The following ERC1 variants were observed in gnomAD, a reference collection of about 807,000 sequenced individuals.
The protein encoded by ERC1 is RAB6 interacting protein 2.
A neutral mutation model predicts 132.0 loss-of-function variants in ERC1; 56 were observed. The observed-to-expected ratio is 0.42, with a 90% CI of 0.34 to 0.53. The LOEUF is 0.53. Ranked by LOEUF, ERC1 falls within the 20% of genes least tolerant of loss-of-function variation. The probability of loss-of-function intolerance (pLI) is 0.03; values close to 1 mark genes in which losing one functional copy is unlikely to be tolerated. For synonymous variants in ERC1, 478 were observed against 476.1 expected (o/e 1.00, Z -0.05); for missense variants, 1,202 against 1,349.9 (o/e 0.89, Z 1.72).
chr12:1,049,747 C>CTTTTTTTTTTTTTTTTTTTTTTTTTT (rs35361881), intron 2 of ERC1, among the ~76,000 whole-genome samples: 1 of 113,016 alleles, frequency 8.8e-6, no homozygotes, highest in Non-Finnish European at 1.8e-5. Flanking sequence ...GTTTTGTGAT[C>CTTTTTTTTTTTTTTTTTTTTTTTTTT]TTTTTTTTTT....
At chr12:1,223,334 TAAC>T (rs1264201916) in intron 12 of ERC1, among the ~76,000 whole-genome samples, 5 of 152,208 alleles carry the variant, frequency 3.3e-5, no homozygotes, top group Non-Finnish European at 7.3e-5. Flanking sequence ...AGAGCAGCAA[TAAC>T]AAAGTAAATA....
intron 13 of ERC1, among the ~76,000 whole-genome samples, chr12:1,250,391 T>C (rs1366294716): frequency 6.6e-6 from 1 of 152,226 alleles, no homozygotes; most frequent in Non-Finnish European, 1.5e-5. Flanking sequence ...TACATTGTTT[T>C]ATAATTGCCC....
Position 1,154,259 on chromosome 12 carries a change from G to GTATA in ERC1, c.1737+12473_1737+12474insATAT, listed in dbSNP as rs770106648. Among the ~76,000 whole-genome samples, 447 of 137,122 alleles carry GTATA rather than the reference G, an allele frequency of 3.3e-3. 3 individuals carry two copies. Among genetic ancestry groups the GTATA allele is most frequent in the Non-Finnish European group, 5.0e-3 (321 of 63,580 alleles). The allele number at this position is 137,122 out of a possible 152,430, so 90.0% of individuals were successfully genotyped here. ...TGTATATGTATATGTATATGTATAT[G>GTATA]TGTATATATACACATATACATGTAT... is the stretch of plus-strand genomic sequence containing the variant. On this transcript the variant is annotated intron_variant, in intron 8 of 18. Transcript: ENST00000360905.
chr12:1,029,309 G>A (rs532612663), intron 2 of ERC1, among the ~76,000 whole-genome samples: 14 of 152,114 alleles, frequency 9.2e-5, no homozygotes, highest in South Asian at 2.1e-4. Flanking sequence ...CTGAGATCCC[G>A]CCACTGCACT....
intron 2 of ERC1, among the ~76,000 whole-genome samples, chr12:1,062,841 A>G (rs1345201074): frequency 2.0e-5 from 3 of 152,164 alleles, no homozygotes; most frequent in Non-Finnish European, 4.4e-5. Context: ...ATTGGGATCT[A>G]TGTCTCTAGC....
At chr12:1,072,715 CAG>C (rs1403033643) in intron 2 of ERC1, among the ~76,000 whole-genome samples, 5 of 152,128 alleles carry the variant, frequency 3.3e-5, no homozygotes, top group Admixed American at 6.5e-5. Flanking sequence ...ATTTTTGAGA[CAG>C]AGTCTCGCAC....
intron 13 of ERC1, among the ~76,000 whole-genome samples, chr12:1,249,648 T>C (rs1254529934): frequency 6.6e-6 from 1 of 152,228 alleles, no homozygotes; most frequent in Non-Finnish European, 1.5e-5. Context: ...TCTATAGATG[T>C]CAAGAACGTT....
At chr12:1,077,755 G>C (rs1941577991) in intron 2 of ERC1, among the ~76,000 whole-genome samples, 1 of 152,140 alleles carries the variant, frequency 6.6e-6, no homozygotes, top group Non-Finnish European at 1.5e-5. Context: ...GATCATTATA[G>C]ATGTCTGTGA....
chr12:1,390,413 T>G (rs148647321), intron 16 of ERC1, among the ~76,000 whole-genome samples: 2 of 152,164 alleles, frequency 1.3e-5, no homozygotes, highest in South Asian at 4.1e-4. Context: ...ATCAATACAT[T>G]TAAAAAATAA....
chr12:1,046,373 T>G (rs1369160708), intron 2 of ERC1, among the ~76,000 whole-genome samples: 1 of 152,242 alleles, frequency 6.6e-6, no homozygotes, highest in Non-Finnish European at 1.5e-5. Context: ...TTGTACATCC[T>G]ATAAGCAAAG....
chr12:1,132,827 T>C (rs1948890094), intron 7 of ERC1, among the ~76,000 whole-genome samples: 1 of 152,006 alleles, frequency 6.6e-6, no homozygotes, highest in South Asian at 2.1e-4. Context: ...ATTTGTGTAT[T>C]TAGGACATAC....
chr12:1,290,007 G>C lies in ERC1; in HGVS notation c.2775G>C (p.Glu925Asp). Residue 925 changes from glutamate to aspartate, a missense_variant, in exon 15 of 19, where the codon GAG (glutamate) becomes GAC (aspartate). Coordinates refer to ENST00000360905, the MANE Select transcript of ERC1 (RefSeq NM_178040.4). ...ERRKHLEEVL[E>D]MKQEALLAAI... ...GGAAACACTTAGAGGAAGTTCTGGA[G>C]ATGAAGTAAGTGTTTGTAGTCTTAT... The C allele has an allele frequency of 6.2e-7, 1 of 1,613,648 alleles. No homozygotes were observed. Among genetic ancestry groups the C allele is most frequent in the Admixed American group, 1.7e-5 (1 of 60,024 alleles).
chr12:1,418,921 C>G (rs1178150746), intron 17 of ERC1, among the ~76,000 whole-genome samples: 1 of 151,722 alleles, frequency 6.6e-6, no homozygotes, highest in Non-Finnish European at 1.5e-5. Flanking sequence ...ACTGTGTTGC[C>G]CAGGCTGGTC....
At chr12:1,204,851 C>T (rs7963033) in intron 12 of ERC1, among the ~76,000 whole-genome samples, 2,018 of 152,146 alleles carry the variant, frequency 0.013, 49 homozygotes, top group African/African-American at 0.046. Flanking sequence ...GGCTATTAAA[C>T]GGGGTAAAGT....
In ERC1 at chr12:1,184,153, G is replaced by GA. The variant is rs76970512; in HGVS notation, c.2157+742dup. On this transcript the variant is annotated intron_variant, in intron 11 of 18. Coordinates refer to ENST00000360905, the MANE Select transcript of ERC1 (RefSeq NM_178040.4). ...TCCATCTCACAAAAAAAAAAAAAAA[G>GA]AAAAAAAAAAGAATAAGTGGGAGCA... Among the ~76,000 whole-genome samples the GA allele has an allele frequency of 2.1e-3, 281 of 134,628 alleles. 1 individual carries two copies. The highest frequency in any genetic ancestry group is 5.5e-3 in the African/African-American group (190 of 34,312). 88.3% of individuals were successfully genotyped at this position (134,628 alleles called of 152,430 possible). A position where few individuals can be genotyped will look rare whatever the true frequency, so the allele number is the denominator to read the frequency against.
At chr12:1,018,860 G>A (rs1439550985) in intron 1 of ERC1, among the ~76,000 whole-genome samples, 1 of 152,152 alleles carries the variant, frequency 6.6e-6, no homozygotes, top group African/African-American at 2.4e-5. Flanking sequence ...TACCTCAGAG[G>A]AGCACCTAAA....
chr12:1,441,264 T>C (rs187624611), intron 17 of ERC1, among the ~76,000 whole-genome samples: 2 of 151,840 alleles, frequency 1.3e-5, no homozygotes, highest in East Asian at 1.9e-4. Flanking sequence ...TTTCACCGTA[T>C]TGGCCAGGCT....
At chr12:1,439,538 A>G (rs2093043635) in intron 17 of ERC1, among the ~76,000 whole-genome samples, 1 of 152,168 alleles carries the variant, frequency 6.6e-6, no homozygotes. Flanking sequence ...TTCCTCAACA[A>G]TTTTGTAAAT....
intron 13 of ERC1, among the ~76,000 whole-genome samples, chr12:1,238,102 C>T (rs1264307593): frequency 1.3e-5 from 2 of 151,126 alleles, no homozygotes; most frequent in South Asian, 2.1e-4. Flanking sequence ...GCCCGTTTTT[C>T]CTCATCCTTG....
Sources: allele counts gnomAD v4.1 joint callset (sites outside exome capture counted in the v4.1 genomes callset), GRCh38; gene constraint gnomAD v4.1.1; transcripts MANE v1.5; gene names NCBI Gene and HGNC (gene_info 2026-07-23, HGNC 2026-07-21).